The following CIBAR1 variants were observed in gnomAD, a reference collection of about 807,000 sequenced individuals.
CIBAR1 encodes CBY1-interacting BAR domain-containing protein 1.
A neutral mutation model predicts 44.0 loss-of-function variants in CIBAR1; 25 were observed. The ratio of observed to expected loss-of-function variants is 0.57; its 90% CI spans 0.41 to 0.79. CIBAR1 has a LOEUF of 0.79. Among genes scored for constraint, CIBAR1 ranks in the 30% least tolerant of loss-of-function variants. The probability of loss-of-function intolerance (pLI) is 0.00; values close to 1 mark genes in which losing one functional copy is unlikely to be tolerated. For synonymous variants in CIBAR1, 115 were observed against 119.0 expected (o/e 0.97, Z 0.22); for missense variants, 278 against 344.8 (o/e 0.81, Z 1.53).
At position 93,730,846 on chromosome 8, in the gene CIBAR1, C is replaced by G. The variant is rs1315238251; in HGVS notation, c.*2549C>G. The G allele has an allele frequency of 6.6e-6, 1 of 152,078 alleles. No individual in the cohort carries two copies. The highest frequency in any genetic ancestry group is 1.9e-4 in the East Asian group (1 of 5,194). The allele number at this position is 152,078 out of a possible 1,614,324, so 9.4% of individuals were successfully genotyped here. On this transcript the variant is annotated 3_prime_UTR_variant, in exon 9 of 9. Coordinates refer to ENST00000518322, the MANE Select transcript of CIBAR1 (RefSeq NM_145269.5). The stretch of plus-strand genomic sequence containing the variant: ...ACATTATAGGGTAAAAGGAAATATT[C>G]ATATAAATTAATTTAAAAATCAAAA...
At chr8:93,726,537 AGGAATTTGAGCTGCTGCCTTT>A (rs1176360346) in intron 8 of CIBAR1, 24 bp downstream of exon 8, 4 of 1,611,430 alleles carry the variant, frequency 2.5e-6, no homozygotes, top group Non-Finnish European at 3.4e-6. Context: ...CGTACTCTAA[AGGAATTTGAGCTGCTGCCTTT>A]GGAATTGTTG....
chr8:93,704,985 G>T lies in CIBAR1; in HGVS notation c.407G>T (p.Arg136Leu). Residue 136 changes from arginine to leucine, a missense_variant, in exon 4 of 9, where the codon CGA becomes CTA. By Grantham distance (102) the Arg-to-Leu change is moderately radical. Around this residue, in one of 3 missense-constraint regions of CIBAR1, gnomAD observed 183 missense variants for 218.6 expected, o/e 0.84. Transcript: ENST00000518322. Reference protein sequence around the residue: ...QLTQLERTRQRNPSDRHVISQ... With the variant: ...QLTQLERTRQLNPSDRHVISQ... ...ACTCAGTTAGAAAGAACACGTCAGCGAAACCCATCTGATCGACATGTTATT... is the reference window on the plus strand; with the variant it reads ...ACTCAGTTAGAAAGAACACGTCAGCTAAACCCATCTGATCGACATGTTATT... 1 of 1,612,734 alleles carries T rather than the reference G, an allele frequency of 6.2e-7. No homozygotes were observed. Among genetic ancestry groups the T allele is most frequent in the Non-Finnish European group, 8.5e-7 (1 of 1,179,150 alleles).
At chr8:93,701,753 G>A (rs1586252297) in intron 2 of CIBAR1, 1 of 380,448 alleles carries the variant, frequency 2.6e-6, no homozygotes, top group Non-Finnish European at 4.8e-6. Context: ...TAGTACCCAG[G>A]GGGAAGAAAA....
In CIBAR1 at chr8:93,718,783, T is replaced by G; in HGVS notation, c.652T>G (p.Leu218Val). Residue 218 changes from leucine to valine, a missense_variant, in exon 7 of 9, where the codon TTA (leucine) becomes GTA (valine). Physicochemically the swap from Leu to Val is conservative, Grantham distance 32. Coordinates refer to ENST00000518322, the MANE Select transcript of CIBAR1 (RefSeq NM_145269.5). ...ACAAAACATTGATGAAGATGAAGAT[T>G]TAGAGGTAGGACTATGTCTATCTAA... The part of the protein sequence containing the change: ...NIQNIDEDED[L>V]EVFRNSLYAP... The G allele has an allele frequency of 6.5e-7, 1 of 1,535,960 alleles. No individual in the cohort carries two copies. Among genetic ancestry groups the G allele is most frequent in the South Asian group, 1.2e-5 (1 of 81,182 alleles).
At chr8:93,702,638 C>A in intron 2 of CIBAR1, 1 of 340,984 alleles carries the variant, frequency 2.9e-6, no homozygotes, top group East Asian at 8.6e-5. Context: ...AGCAAACTGT[C>A]CTGAATATCC....
At chr8:93,718,267 C>T (rs888894690) in intron 6 of CIBAR1, among the ~76,000 whole-genome samples, 3 of 152,198 alleles carry the variant, frequency 2.0e-5, no homozygotes, top group Non-Finnish European at 2.9e-5. Flanking sequence ...GTTTAAAAAA[C>T]GTTCTCCTGT....
At position 93,728,223 on chromosome 8, in the gene CIBAR1, A is replaced by C. The variant is rs377233394; in HGVS notation, c.796A>C (p.Arg266=). ...TTAACAGGTATCCACTTGTCGACTA[A>C]GAAAGGATCAACAAGCAGAAGATGA... is the stretch of plus-strand genomic sequence containing the variant. The part of the protein sequence containing the change: ...GTGQVSTCRL[R]KDQQAEDDED... The change falls in exon 9 of 9, where the codon AGA becomes CGA. Residue 266 remains arginine (R), a synonymous_variant. Transcript: ENST00000518322. The C allele has an allele frequency of 6.3e-6, 10 of 1,591,690 alleles. No homozygotes were observed. In the African/African-American group the frequency reaches 1.2e-4, roughly 19 times the overall value.
At chr8:93,703,349 T>G (rs889901487) in intron 2 of CIBAR1, among the ~76,000 whole-genome samples, 1 of 152,240 alleles carries the variant, frequency 6.6e-6, no homozygotes, top group Non-Finnish European at 1.5e-5. Flanking sequence ...AAATTTGAAC[T>G]GTCTTAACAC....
chr8:93,708,944 A>T (rs1402808078), intron 5 of CIBAR1, among the ~76,000 whole-genome samples: 1 of 152,176 alleles, frequency 6.6e-6, no homozygotes, highest in Non-Finnish European at 1.5e-5. Context: ...AGATGATTTC[A>T]TGTAATCCAT....
At chr8:93,727,059 T>A in intron 8 of CIBAR1, 2 of 547,138 alleles carry the variant, frequency 3.7e-6, no homozygotes, top group South Asian at 1.5e-5. Context: ...CCAACAACTA[T>A]AAATAACAAC....
chr8:93,709,845 C>T lies in CIBAR1; in HGVS notation c.513C>T (p.Asn171=), dbSNP rs543712323. The change falls in exon 6 of 9, where the codon AAC becomes AAT. Residue 171 remains asparagine, a synonymous_variant. Transcript: ENST00000518322. ...TSRHLEETIN[N]FERQKMKDIK... Reference sequence around the variant, plus strand: ...GTCATCTGGAGGAAACTATTAACAACTTTGAAAGGCAGAAAATGAAGGATA... The same window carrying T: ...GTCATCTGGAGGAAACTATTAACAATTTTGAAAGGCAGAAAATGAAGGATA... 212 of 1,612,316 alleles carry T rather than the reference C, an allele frequency of 1.3e-4. 1 individual carries two copies. The highest frequency in any genetic ancestry group is 8.2e-4 in the South Asian group (74 of 90,746).
intron 6 of CIBAR1, among the ~76,000 whole-genome samples, chr8:93,710,663 A>G (rs1413658047): frequency 6.6e-6 from 1 of 151,860 alleles, no homozygotes; most frequent in Non-Finnish European, 1.5e-5. Flanking sequence ...GGGAAACTCC[A>G]TCTCTACTAA....
At position 93,718,795 on chromosome 8, in the gene CIBAR1, C is replaced by G. The variant is rs546206142; in HGVS notation, c.657+7C>G. ...TGAAGATGAAGATTTAGAGGTAGGA[C>G]TATGTCTATCTAAGCTCAGTTCTTC... On this transcript the variant is annotated splice_region_variant and intron_variant, in intron 7 of 8. Coordinates refer to ENST00000518322, the MANE Select transcript of CIBAR1 (RefSeq NM_145269.5). The G allele has an allele frequency of 7.0e-7, 1 of 1,427,830 alleles. No homozygotes were observed. The highest frequency in any genetic ancestry group is 1.4e-5 in the African/African-American group (1 of 70,686). 88.4% of individuals were successfully genotyped at this position (1,427,830 alleles called of 1,614,324 possible).
Position 93,701,280 on chromosome 8 carries a change from G to A in CIBAR1, c.83G>A (p.Gly28Glu). Reference protein sequence around the residue: ...TAVSNVEKHFGELCQIFAAYV... With the variant: ...TAVSNVEKHFEELCQIFAAYV... ...GTCTCAAATGTGGAGAAGCATTTTGGAGAACTGTGCCAAATCTTCGCTGCC... is the reference window on the plus strand; with the variant it reads ...GTCTCAAATGTGGAGAAGCATTTTGAAGAACTGTGCCAAATCTTCGCTGCC... Residue 28 changes from glycine to glutamate, a missense_variant, in exon 2 of 9, where the codon GGA becomes GAA. Transcript: ENST00000518322. The A allele has an allele frequency of 6.2e-7, 1 of 1,613,764 alleles. No homozygotes were observed.
chr8:93,716,357 T>G (rs894095522), intron 6 of CIBAR1, among the ~76,000 whole-genome samples: 39 of 151,908 alleles, frequency 2.6e-4, no homozygotes, highest in South Asian at 1.0e-3. Flanking sequence ...GTTTGTTGTT[T>G]TTTTTTTTTA....
rs1006349427 is a variant in CIBAR1 at position 93,730,737 on chromosome 8, T to G, written c.*2440T>G. 5.3e-5 allele frequency: 8 copies of G among 152,166 alleles called. No homozygotes were observed. Among genetic ancestry groups the G allele is most frequent in the African/African-American group, 1.9e-4 (8 of 41,436 alleles). The allele number at this position is 152,166 out of a possible 1,614,324, so 9.4% of individuals were successfully genotyped here. On this transcript the variant is annotated 3_prime_UTR_variant, in exon 9 of 9. Coordinates refer to ENST00000518322, the MANE Select transcript of CIBAR1 (RefSeq NM_145269.5). ...CACTAAAGGCAGAGTTGGAGAGAGA[T>G]GTGCAAAGATGGCTCCCAACTAGAA... is the stretch of plus-strand genomic sequence containing the variant.
chr8:93,710,200 C>G (rs1810766301), intron 6 of CIBAR1, among the ~76,000 whole-genome samples: 1 of 152,062 alleles, frequency 6.6e-6, no homozygotes, highest in Non-Finnish European at 1.5e-5. Context: ...TCACCTGAGC[C>G]TGGGGAGGTC....
In CIBAR1 at chr8:93,731,337, A is replaced by G. The variant is rs1811784294; in HGVS notation, c.*3040A>G. On this transcript the variant is annotated 3_prime_UTR_variant, in exon 9 of 9. Coordinates refer to ENST00000518322, the MANE Select transcript of CIBAR1 (RefSeq NM_145269.5). ...AGCATTTTTTAACTTTCCATATATT[A>G]TTCAAAATGGGTGACCAAATGAACC... The G allele has an allele frequency of 6.6e-6, 1 of 152,264 alleles. No homozygotes were observed. The highest frequency in any genetic ancestry group is 2.4e-5 in the African/African-American group (1 of 41,544). 9.4% of individuals were successfully genotyped at this position (152,264 alleles called of 1,614,324 possible).
At chr8:93,724,657 C>A (rs1323336103) in intron 7 of CIBAR1, 3 of 1,176,630 alleles carry the variant, frequency 2.5e-6, no homozygotes, top group Non-Finnish European at 3.2e-6. Flanking sequence ...AAGATAATGT[C>A]TTTCATTGTA....
Sources: allele counts gnomAD v4.1 joint callset (sites outside exome capture counted in the v4.1 genomes callset), GRCh38; gene constraint gnomAD v4.1.1; regional missense constraint gnomAD v4.1.1; transcripts MANE v1.5; gene names NCBI Gene and HGNC (gene_info 2026-07-23, HGNC 2026-07-21).